The following KANSL1 variants were observed in gnomAD, a reference collection of about 807,000 sequenced individuals.
The protein encoded by KANSL1 is KAT8 regulatory NSL complex subunit 1.
KANSL1 carries 22 observed loss-of-function variants against 103.6 expected under a neutral mutation model. The ratio of observed to expected loss-of-function variants is 0.21; its 90% CI spans 0.15 to 0.30. The LOEUF is 0.30. Ranked by LOEUF, KANSL1 falls within the 10% of genes least tolerant of loss-of-function variation. The pLI is 1.00. For synonymous variants in KANSL1, 600 were observed against 527.6 expected (o/e 1.14, Z -1.88); for missense variants, 1,337 against 1,399.8 (o/e 0.96, Z 0.72).
At chr17:46,077,714 C>T (rs1392943704) in intron 4 of KANSL1, among the ~76,000 whole-genome samples, 1 of 151,990 alleles carries the variant, frequency 6.6e-6, no homozygotes, top group African/African-American at 2.4e-5. Flanking sequence ...TCTGCCACCA[C>T]GCTTGGATAA....
In KANSL1 at chr17:46,030,222, G is replaced by A. The variant is rs2076969020; in HGVS notation, c.*1254C>T. ...ATAGAAGAAGCACTTTATGCATAGGGATATGGTGCATTATTGTATTTTTTT... is the reference window on the plus strand; with the variant it reads ...ATAGAAGAAGCACTTTATGCATAGGAATATGGTGCATTATTGTATTTTTTT... On this transcript the variant is annotated 3_prime_UTR_variant, in exon 15 of 15. Transcript: ENST00000432791. 6.6e-6 allele frequency: 1 copy of A among 150,854 alleles called. No individual in the cohort carries two copies. Among genetic ancestry groups the A allele is most frequent in the Non-Finnish European group, 1.5e-5 (1 of 67,684 alleles). 9.3% of individuals were successfully genotyped at this position (150,854 alleles called of 1,614,324 possible).
chr17:46,199,229 A>C (rs186873473), intron 1 of KANSL1, among the ~76,000 whole-genome samples: 1 of 152,380 alleles, frequency 6.6e-6, no homozygotes, highest in East Asian at 1.9e-4. Context: ...AGGGTCTCTC[A>C]GTCTTCAATT....
chr17:46,174,562 A>G (rs1445380369), intron 1 of KANSL1, among the ~76,000 whole-genome samples: 2 of 152,246 alleles, frequency 1.3e-5, no homozygotes, highest in African/African-American at 2.4e-5. Context: ...GATTGCATAT[A>G]ATGTAATGTG....
upstream of KANSL1, among the ~76,000 whole-genome samples, chr17:46,197,635 T>C (rs1309948158): frequency 6.6e-6 from 1 of 152,232 alleles, no homozygotes; most frequent in Non-Finnish European, 1.5e-5. Flanking sequence ...AGAAGGAGAC[T>C]GTGTCTCAAA....
At chr17:46,216,488 A>G (rs1044073398) in intron 1 of KANSL1, among the ~76,000 whole-genome samples, 1 of 151,820 alleles carries the variant, frequency 6.6e-6, no homozygotes, top group African/African-American at 2.4e-5. Flanking sequence ...AATCCCAGCT[A>G]CTGGGGAAAC....
rs190326905 is a variant in KANSL1, at chr17:46,144,656, T to A, written c.1289+26199A>T. On this transcript the variant is annotated intron_variant, in intron 2 of 14. Transcript: ENST00000432791. Reference sequence around the variant, plus strand: ...AGACATCCCCCTTCACCAAAAAGATTATATCCAGGGGATACTACATAATAA... The same window carrying A: ...AGACATCCCCCTTCACCAAAAAGATAATATCCAGGGGATACTACATAATAA... 2.9e-3 allele frequency among the ~76,000 whole-genome samples: 441 copies of A among 151,668 alleles called. 3 individuals carry two copies. Among genetic ancestry groups the A allele is most frequent in the East Asian group, 0.018 (92 of 5,180 alleles).
intron 2 of KANSL1, among the ~76,000 whole-genome samples, chr17:46,157,791 CATTCTGTTTTCAT>C (rs1431294941): frequency 2.0e-5 from 3 of 152,248 alleles, no homozygotes; most frequent in Non-Finnish European, 2.9e-5. Context: ...AAGCAAGCTT[CATTCTGTTTTCAT>C]CTTACAAAGA....
intron 9 of KANSL1, 61 bp downstream of exon 9, chr17:46,038,966 T>C: frequency 7.7e-6 from 12 of 1,567,624 alleles, no homozygotes; most frequent in Non-Finnish European, 1.0e-5. Flanking sequence ...AAGCCTAGGC[T>C]GCCCCAGAAA....
intron 2 of KANSL1, among the ~76,000 whole-genome samples, chr17:46,097,947 A>G (rs1261439561): frequency 2.7e-5 from 4 of 149,958 alleles, no homozygotes; most frequent in East Asian, 3.9e-4. Context: ...TAAACCATTC[A>G]AACCAACCAC....
intron 2 of KANSL1, among the ~76,000 whole-genome samples, chr17:46,150,927 CAA>C (rs67160662): frequency 0.13 from 16,823 of 134,126 alleles, 2,155 homozygotes; most frequent in African/African-American, 0.35. Context: ...CCTATTCTGT[CAA>C]AAAAAAAAAA....
chr17:46,193,569 GGCCGCCAGGAGGCGCGGCCGCC>G (rs1349570506), upstream of KANSL1: 3 of 155,038 alleles, frequency 1.9e-5, no homozygotes, highest in East Asian at 3.9e-4. Context: ...CGCCCCCGCG[GGCCGCCAGGAGGCGCGGCCGCC>G]GCCGCCTCAG....
chr17:46,202,746 T>C (rs1567800578), intron 1 of KANSL1, among the ~76,000 whole-genome samples: 1 of 152,250 alleles, frequency 6.6e-6, no homozygotes, highest in Non-Finnish European at 1.5e-5. Context: ...CTGCAATCTT[T>C]TTTGTTTCTG....
intron 7 of KANSL1, chr17:46,044,445 C>T (rs933542007): frequency 6.6e-6 from 1 of 152,216 alleles, no homozygotes; most frequent in African/African-American, 2.4e-5. Context: ...ATGCTCACTT[C>T]TTCCTCCTGC....
At chr17:46,211,041 A>C (rs1220967647) in intron 1 of KANSL1, among the ~76,000 whole-genome samples, 1 of 152,180 alleles carries the variant, frequency 6.6e-6, no homozygotes, top group Non-Finnish European at 1.5e-5. Flanking sequence ...GAGCCCACTG[A>C]GATATGAGTG....
chr17:46,093,448 T>G (rs1248686956), intron 3 of KANSL1: 1 of 152,500 alleles, frequency 6.6e-6, no homozygotes, highest in Admixed American at 6.6e-5. Context: ...TGTCCTCAAT[T>G]AAAGTATGCT....
At chr17:46,185,702 C>T (rs374582138) in intron 1 of KANSL1, among the ~76,000 whole-genome samples, 15,535 of 112,808 alleles carry the variant, frequency 0.14, 48 homozygotes, top group Admixed American at 0.19. Context: ...TACACACACA[C>T]ACACACACAC....
upstream of KANSL1, among the ~76,000 whole-genome samples, chr17:46,194,063 G>A (rs2047515973): frequency 6.6e-6 from 1 of 152,228 alleles, no homozygotes; most frequent in Non-Finnish European, 1.5e-5. Context: ...GCGGGGTGGG[G>A]AGGGTGCACG....
intron 6 of KANSL1, among the ~76,000 whole-genome samples, chr17:46,065,978 G>A (rs62060797): frequency 0.14 from 21,803 of 151,948 alleles, 2,132 homozygotes; most frequent in Non-Finnish European, 0.22. Context: ...ATCCTGCCTC[G>A]GCCTCCTGAA....
intron 1 of KANSL1, among the ~76,000 whole-genome samples, chr17:46,207,993 A>G (rs1428880180): frequency 6.6e-6 from 1 of 152,048 alleles, no homozygotes; most frequent in African/African-American, 2.4e-5. Flanking sequence ...CGCCTGTAAT[A>G]CCAGCTACTG....
Sources: allele counts gnomAD v4.1 joint callset (sites outside exome capture counted in the v4.1 genomes callset), GRCh38; gene constraint gnomAD v4.1.1; transcripts MANE v1.5; gene names NCBI Gene and HGNC (gene_info 2026-07-23, HGNC 2026-07-21).